DDX5: variants seen among roughly 807,000 people sequenced by gnomAD.
The protein encoded by DDX5 is probable ATP-dependent RNA helicase DDX5.
A neutral mutation model predicts 68.6 loss-of-function variants in DDX5; 6 were observed. That is an observed-to-expected ratio of 0.09 (90% CI 0.05 to 0.17). The LOEUF is 0.17. DDX5 is among the 10% of genes least tolerant of loss of function. The probability of loss-of-function intolerance (pLI) is 1.00; values close to 1 mark genes in which losing one functional copy is unlikely to be tolerated. For synonymous variants in DDX5, 350 were observed against 247.0 expected (o/e 1.42, Z -3.91); for missense variants, 499 against 756.1 (o/e 0.66, Z 3.99).
At chr17:64,501,687 G>A (rs2038300686) in intron 11 of DDX5, 1 of 390,022 alleles carries the variant, frequency 2.6e-6, no homozygotes, top group Non-Finnish European at 4.7e-6. Context: ...CCACGGCAGT[G>A]AACTGTGAGG....
chr17:64,500,835 A>G, intron 11 of DDX5, 62 bp from the exon 12 acceptor site: 1 of 1,218,814 alleles, frequency 8.2e-7, no homozygotes, highest in Non-Finnish European at 1.2e-6. Flanking sequence ...CACAACAGCC[A>G]GACCAAAAAT....
Position 64,503,523 on chromosome 17 carries a change from C to T in DDX5, c.556G>A (p.Val186Ile). ...TRELAQQVQQ[V>I]AAEYCRACRL... ...CATGCTCTACAATATTCAGCAGCTA[C>T]TTGCTGCACCTGTTGGGCCAGTTCC... The change falls in exon 6 of 13, where the codon GTA becomes ATA. Residue 186 changes from valine (V) to isoleucine (I), a missense_variant. Val to Ile is a conservative substitution (Grantham distance 29). Transcript: ENST00000225792. 6.2e-7 allele frequency: 1 copy of T among 1,614,230 alleles called. No individual in the cohort carries two copies. Among genetic ancestry groups the T allele is most frequent in the Non-Finnish European group, 8.5e-7 (1 of 1,180,020 alleles).
Position 64,506,250 on chromosome 17 carries a change from C to G in DDX5, c.-131G>C. 1 of 1,547,528 alleles carries G rather than the reference C, an allele frequency of 6.5e-7. No individual in the cohort carries two copies. Among genetic ancestry groups the G allele is most frequent in the Non-Finnish European group, 8.7e-7 (1 of 1,146,904 alleles). On this transcript the variant is annotated 5_prime_UTR_variant, in exon 1 of 13. Transcript: ENST00000225792. ...GAGGAAGGACACCGATGACACCAGC[C>G]GAAGCTGCACTACTAGAGACCGGTA...
intron 1 of DDX5, 178 bp downstream of exon 1, chr17:64,505,898 A>AG (rs2038484343): frequency 6.5e-7 from 1 of 1,535,280 alleles, no homozygotes; most frequent in Non-Finnish European, 8.7e-7. Flanking sequence ...CTACACCGTC[A>AG]AATCTCTTCC....
chr17:64,501,167 GT>G (rs1555671044), intron 11 of DDX5: 1 of 215,598 alleles, frequency 4.6e-6, no homozygotes, highest in African/African-American at 2.3e-5. Context: ...AATGTACAAG[GT>G]CCTTTGCATT....
rs781880131 is a variant in DDX5, at chr17:64,505,719, C to T, written c.44+357G>A. ...CGCTCCCACAGAATGCCCGGCCACCCCAAAAACACCTCCCGAAACGCCGCA... is the reference window on the plus strand; with the variant it reads ...CGCTCCCACAGAATGCCCGGCCACCTCAAAAACACCTCCCGAAACGCCGCA... On this transcript the variant is annotated intron_variant, in intron 1 of 12. Coordinates refer to ENST00000225792, the MANE Select transcript of DDX5 (RefSeq NM_004396.5). 56 of 1,535,718 alleles carry T rather than the reference C, an allele frequency of 3.6e-5. No individual in the cohort carries two copies. The Middle Eastern group carries it at 8.3e-4, about 23-fold the overall frequency.
upstream of DDX5, chr17:64,506,313 T>A: frequency 3.3e-6 from 5 of 1,505,946 alleles, no homozygotes; most frequent in Non-Finnish European, 4.4e-6. Flanking sequence ...CGGCAGCCGC[T>A]TTTATAGTCT....
In DDX5 at chr17:64,500,190, A is replaced by G; in HGVS notation, c.1578T>C (p.Phe526=). The G allele has an allele frequency of 1.2e-6, 2 of 1,614,156 alleles. No homozygotes were observed. Among genetic ancestry groups the G allele is most frequent in the Non-Finnish European group, 1.7e-6 (2 of 1,180,040 alleles). ...AAACACCATTCTGAGTTTTTGCCCC[A>G]AAATCTCTTTTAAGCAGGCTAGAGT... ...RGYSSLLKRD[F]GAKTQNGVYS... The change falls in exon 13 of 13, where the codon TTT becomes TTC. Residue 526 remains phenylalanine (F), a synonymous_variant. Coordinates refer to ENST00000225792, the MANE Select transcript of DDX5 (RefSeq NM_004396.5).
intron 1 of DDX5, chr17:64,505,642 T>C (rs367655497): frequency 1.6e-6 from 2 of 1,245,500 alleles, no homozygotes; most frequent in South Asian, 1.3e-5. Flanking sequence ...ACATGGCTGA[T>C]GCCGGCCGCC....
Position 64,504,326 on chromosome 17 carries a change from A to T in DDX5, c.211-8T>A. The T allele has an allele frequency of 6.2e-7, 1 of 1,609,296 alleles. No homozygotes were observed. The highest frequency in any genetic ancestry group is 8.5e-7 in the Non-Finnish European group (1 of 1,176,058). On this transcript the variant is annotated splice_polypyrimidine_tract_variant and splice_region_variant and intron_variant, in intron 2 of 12. Coordinates refer to ENST00000225792, the MANE Select transcript of DDX5 (RefSeq NM_004396.5). ...GTATGTTTCCACCTCTTGCTGCAAA[A>T]CAAATTATAACAGTCTTAAAATTCA...
chr17:64,500,355 A>G (rs1555670835), intron 12 of DDX5, 29 bp from the exon 13 acceptor site: 1 of 1,582,670 alleles, frequency 6.3e-7, no homozygotes, highest in Admixed American at 1.8e-5. Flanking sequence ...CAAATTGATC[A>G]ATTATGTCTA....
upstream of DDX5, chr17:64,506,328 C>T (rs1283609438): frequency 1.6e-5 from 24 of 1,471,348 alleles, no homozygotes; most frequent in East Asian, 2.5e-5. Context: ...TAGTCTGGAC[C>T]GCCTCCTACG....
Position 64,499,867 on chromosome 17 carries a change from C to A in DDX5, c.*56G>T. The A allele has an allele frequency of 6.9e-7, 1 of 1,455,532 alleles. No individual in the cohort carries two copies. The allele number at this position is 1,455,532 out of a possible 1,614,324, so 90.2% of individuals were successfully genotyped here. ...CTTAAATAACTATCTTGTCAGATAA[C>A]ACACAATATAAAGAGCAATTATGAA... is the stretch of plus-strand genomic sequence containing the variant. On this transcript the variant is annotated 3_prime_UTR_variant, in exon 13 of 13. Coordinates refer to ENST00000225792, the MANE Select transcript of DDX5 (RefSeq NM_004396.5).
At chr17:64,502,328 A>G in intron 9 of DDX5, 105 bp from the exon 10 acceptor site, 2 of 1,485,410 alleles carry the variant, frequency 1.3e-6, no homozygotes, top group East Asian at 4.5e-5. Context: ...CCAGAAATGA[A>G]AAAGTTAAAT....
rs1365197018 is a variant in DDX5 at position 64,503,749 on chromosome 17, A to C, written c.507+54T>G. ...CAAATGATTACATCTTTAGCTATGT[A>C]GTCTAAAATCTACACATTATGCTTC... On this transcript the variant is annotated intron_variant, in intron 5 of 12. Coordinates refer to ENST00000225792, the MANE Select transcript of DDX5 (RefSeq NM_004396.5). 25 of 1,569,154 alleles carry C rather than the reference A, an allele frequency of 1.6e-5. No individual in the cohort carries two copies. In the East Asian group the frequency reaches 5.4e-4, roughly 34 times the overall value.
intron 1 of DDX5, chr17:64,505,800 CGCTCCCTCTCA>C (rs1598157314): frequency 6.5e-7 from 1 of 1,536,176 alleles, no homozygotes. Context: ...CCGCACAATA[CGCTCCCTCTCA>C]ACTCCCTCAA....
In DDX5 at chr17:64,499,354, CT is replaced by C. The variant is rs1279613173; in HGVS notation, c.*568del. ...GGAAAAAGGCTATTAAATGACTCCC[CT>C]GATGCTGGAAGCTGACAAAGCTTTT... On this transcript the variant is annotated 3_prime_UTR_variant, in exon 13 of 13. Coordinates refer to ENST00000225792, the MANE Select transcript of DDX5 (RefSeq NM_004396.5). 6.6e-6 allele frequency among the ~76,000 whole-genome samples: 1 copy of C among 152,076 alleles called. No homozygotes were observed. The highest frequency in any genetic ancestry group is 1.5e-5 in the Non-Finnish European group (1 of 68,018).
chr17:64,503,050 T>G lies in DDX5; in HGVS notation c.859A>C (p.Arg287=), dbSNP rs1336244361. Residue 287 remains arginine, a synonymous_variant, in exon 8 of 13, where the codon AGA becomes CGA. Transcript: ENST00000225792. ...MWSATWPKEV[R]QLAEDFLKDY... is the part of the protein sequence containing the mutation. ...TTCAGGAAATCTTCAGCAAGCTGTC[T>G]TACTTCTTTTGGCCAAGTCGCACTC... 1.2e-6 allele frequency: 2 copies of G among 1,614,034 alleles called. No homozygotes were observed. The highest frequency in any genetic ancestry group is 1.7e-6 in the Non-Finnish European group (2 of 1,180,020).
chr17:64,498,316 A>G lies in DDX5; in HGVS notation c.*1607T>C, dbSNP rs1568096372. Reference sequence around the variant, plus strand: ...CAGGCTGGACACAACACACATGCTAAAAAGTGGACTGTCTTTTAAAACTTC... The same window carrying G: ...CAGGCTGGACACAACACACATGCTAGAAAGTGGACTGTCTTTTAAAACTTC... On this transcript the variant is annotated 3_prime_UTR_variant, in exon 13 of 13. Transcript: ENST00000225792. Among the ~76,000 whole-genome samples, 1 of 152,218 alleles carries G rather than the reference A, an allele frequency of 6.6e-6. No homozygotes were observed. Among genetic ancestry groups the G allele is most frequent in the African/African-American group, 2.4e-5 (1 of 41,464 alleles).
Sources: allele counts gnomAD v4.1 joint callset (sites outside exome capture counted in the v4.1 genomes callset), GRCh38; gene constraint gnomAD v4.1.1; transcripts MANE v1.5; gene names NCBI Gene and HGNC (gene_info 2026-07-23, HGNC 2026-07-21).